The following CPED1 variants were observed in gnomAD, a reference collection of about 807,000 sequenced individuals.
CPED1 encodes cadherin like and PC-esterase domain containing 1.
In CPED1, 114 loss-of-function variants were observed where a neutral mutation model predicts 128.2. That is an observed-to-expected ratio of 0.89 (90% CI 0.76 to 1.04). The LOEUF (loss-of-function observed/expected upper bound fraction) is 1.04. CPED1 is among the 50% of genes least tolerant of loss of function. CPED1 has a pLI of 0.00. For synonymous variants in CPED1, 462 were observed against 426.7 expected (o/e 1.08, Z -1.02); for missense variants, 1,211 against 1,207.1 (o/e 1.00, Z -0.05).
intron 16 of CPED1, among the ~76,000 whole-genome samples, chr7:121,150,297 T>A (rs537140231): frequency 2.0e-5 from 3 of 151,782 alleles, no homozygotes; most frequent in African/African-American, 7.3e-5. Context: ...TGAGAATATG[T>A]GGTATTTGGT....
At chr7:121,094,930 A>G (rs1224306880) in intron 5 of CPED1, among the ~76,000 whole-genome samples, 1 of 152,212 alleles carries the variant, frequency 6.6e-6, no homozygotes, top group Non-Finnish European at 1.5e-5. Flanking sequence ...AGAGTAGCCA[A>G]TAAATAAAAG....
At chr7:121,226,812 A>G (rs188144156) in intron 16 of CPED1, among the ~76,000 whole-genome samples, 25 of 152,244 alleles carry the variant, frequency 1.6e-4, no homozygotes, top group African/African-American at 5.5e-4. Context: ...GCTAATGTAA[A>G]CATAAGCTAA....
At chr7:120,999,987 T>C (rs901277914) in intron 2 of CPED1, among the ~76,000 whole-genome samples, 1 of 152,216 alleles carries the variant, frequency 6.6e-6, no homozygotes, top group South Asian at 2.1e-4. Context: ...CTTCTGCTTC[T>C]TTCTCCCTCT....
chr7:120,999,993 C>T (rs1791794210), intron 2 of CPED1, among the ~76,000 whole-genome samples: 2 of 152,002 alleles, frequency 1.3e-5, no homozygotes, highest in African/African-American at 4.8e-5. Context: ...CTTCTTTCTC[C>T]CTCTAAGCAA....
chr7:121,271,334 A>C lies in CPED1; in HGVS notation c.2772A>C (p.Ala924=), dbSNP rs141494536. 1.3e-3 allele frequency: 2,070 copies of C among 1,611,828 alleles called. 3 individuals carry two copies. Among genetic ancestry groups the C allele is most frequent in the Non-Finnish European group, 1.7e-3 (1,999 of 1,178,364 alleles). Residue 924 remains alanine, a synonymous_variant, in exon 22 of 23, where the codon GCA becomes GCC. Coordinates refer to ENST00000310396, the MANE Select transcript of CPED1 (RefSeq NM_024913.5). ...WKENLIILDT[A]KKHGYEVVDT... is the part of the protein sequence containing the mutation. ...AAAATTTGATTATTCTGGATACTGC[A>C]AAAAAACATGGCTATGAAGTAGTTG...
chr7:121,050,934 GACC>G (rs1793335382), intron 4 of CPED1: 1 of 492,060 alleles, frequency 2.0e-6, no homozygotes, highest in Admixed American at 2.3e-5. Context: ...GTCATGAAGG[GACC>G]ATCAAGGAAG....
At chr7:121,128,230 C>G (rs1476948821) in intron 10 of CPED1, 152 bp from the exon 11 acceptor site, 1 of 565,740 alleles carries the variant, frequency 1.8e-6, no homozygotes, top group African/African-American at 1.9e-5. Flanking sequence ...ACCACTGTGA[C>G]AAGTTGAAGT....
chr7:121,051,340 C>T, intron 4 of CPED1: 1 of 436,084 alleles, frequency 2.3e-6, no homozygotes, highest in South Asian at 1.7e-5. Context: ...GAGGGAATCC[C>T]ACCTCCTCCC....
rs1163766765 is a variant in CPED1 at position 121,046,940 on chromosome 7, G to A, written c.487G>A (p.Gly163Arg). ...LICLSSKKAE[G>R]TPCISKEVMC... ...TTGCCTGTCTTCTAAGAAAGCAGAAGGAACACCCTGTATATCCAAGGAAGT... is the reference window on the plus strand; with the variant it reads ...TTGCCTGTCTTCTAAGAAAGCAGAAAGAACACCCTGTATATCCAAGGAAGT... Residue 163 changes from glycine (G) to arginine (R), a missense_variant, in exon 4 of 23, where the codon GGA becomes AGA. Gly to Arg is a moderately radical substitution (Grantham distance 125). Coordinates refer to ENST00000310396, the MANE Select transcript of CPED1 (RefSeq NM_024913.5). The A allele has an allele frequency of 6.2e-7, 1 of 1,612,862 alleles. No individual in the cohort carries two copies. Among genetic ancestry groups the A allele is most frequent in the East Asian group, 2.2e-5 (1 of 44,754 alleles).
chr7:121,186,109 A>G (rs1042911745), intron 16 of CPED1, among the ~76,000 whole-genome samples: 2 of 152,108 alleles, frequency 1.3e-5, no homozygotes, highest in African/African-American at 4.8e-5. Context: ...ATCTGCTTTA[A>G]TTTGCTTCTC....
Position 121,244,243 on chromosome 7 carries a change from A to G in CPED1, c.2215A>G (p.Thr739Ala), listed in dbSNP as rs754140887. The change falls in exon 18 of 23, where the codon ACG becomes GCG. Residue 739 changes from threonine (T) to alanine (A), a missense_variant. Physicochemically the swap from Thr to Ala is moderately conservative, Grantham distance 58. Transcript: ENST00000310396. ...VPCLSCSDNR[T>A]CDWREITWQP... ...TTGCCTTAGTTGTTCGGACAACAGGACGTGTGACTGGAGAGAAATAACCTG... is the reference window on the plus strand; with the variant it reads ...TTGCCTTAGTTGTTCGGACAACAGGGCGTGTGACTGGAGAGAAATAACCTG... The G allele has an allele frequency of 3.7e-6, 6 of 1,614,146 alleles. No homozygotes were observed. The highest frequency in any genetic ancestry group is 8.5e-7 in the Non-Finnish European group (1 of 1,179,992).
chr7:121,291,711 G>A (rs1792706903), intron 22 of CPED1, among the ~76,000 whole-genome samples: 1 of 152,150 alleles, frequency 6.6e-6, no homozygotes, highest in Non-Finnish European at 1.5e-5. Flanking sequence ...CTGAGATGAT[G>A]GGGTTTTCTA....
chr7:121,250,774 G>T (rs1370062659), intron 18 of CPED1, among the ~76,000 whole-genome samples: 1 of 152,098 alleles, frequency 6.6e-6, no homozygotes, highest in Non-Finnish European at 1.5e-5. Context: ...CCAGGAAGAA[G>T]TTGAATCTCT....
At chr7:121,251,496 C>T (rs1193837808) in intron 18 of CPED1, among the ~76,000 whole-genome samples, 5 of 151,304 alleles carry the variant, frequency 3.3e-5, no homozygotes, top group African/African-American at 1.2e-4. Flanking sequence ...AAATAAAGGG[C>T]ATTCAATTAG....
chr7:121,072,236 C>G (rs760259286), intron 5 of CPED1, among the ~76,000 whole-genome samples: 6 of 151,684 alleles, frequency 4.0e-5, no homozygotes, highest in African/African-American at 1.5e-4. Context: ...TGTTCCCTCC[C>G]CCTAGGATGC....
At chr7:121,188,265 A>T (rs957631705) in intron 16 of CPED1, among the ~76,000 whole-genome samples, 2 of 152,262 alleles carry the variant, frequency 1.3e-5, no homozygotes, top group Admixed American at 1.3e-4. Flanking sequence ...GTTCAATCCA[A>T]ATTTATTATT....
At chr7:121,176,767 G>C (rs1796789232) in intron 16 of CPED1, among the ~76,000 whole-genome samples, 1 of 152,104 alleles carries the variant, frequency 6.6e-6, no homozygotes, top group Non-Finnish European at 1.5e-5. Flanking sequence ...GCAGTGGAAA[G>C]AGCTGCGCTA....
At chr7:121,167,763 G>T (rs1327628872) in intron 16 of CPED1, among the ~76,000 whole-genome samples, 7 of 119,246 alleles carry the variant, frequency 5.9e-5, no homozygotes, top group African/African-American at 2.3e-4. Flanking sequence ...ATGGAGTCTC[G>T]CTCTGTTGCC....
intron 5 of CPED1, among the ~76,000 whole-genome samples, chr7:121,065,182 G>T (rs1248204342): frequency 1.3e-5 from 2 of 152,122 alleles, no homozygotes; most frequent in East Asian, 3.8e-4. Context: ...ATGTTCCACT[G>T]TAAAGACTGA....
Sources: gnomAD v4.1 joint callset for allele counts (sites outside exome capture counted in the v4.1 genomes callset) on GRCh38, gnomAD v4.1.1 for gene constraint, MANE v1.5 for transcripts, NCBI Gene and HGNC (gene_info 2026-07-23, HGNC 2026-07-21) for gene names.